Variants in ARID1B observed in about 807,000 individuals in gnomAD.
ARID1B encodes the protein AT-rich interactive domain-containing protein 1B.
A neutral mutation model predicts 212.3 loss-of-function variants in ARID1B; 30 were observed. The observed-to-expected ratio is 0.14, with a 90% CI of 0.11 to 0.19. The LOEUF is 0.19. Ranked by LOEUF, ARID1B falls within the 10% of genes least tolerant of loss-of-function variation. ARID1B has a pLI of 1.00. For missense variants in ARID1B, 2,891 were observed against 3,204.0 expected (o/e 0.90, Z 2.36); for synonymous variants, 1,402 against 1,301.7 (o/e 1.08, Z -1.66).
At chr6:156,878,957 G>A (rs552589389) in intron 2 of ARID1B, among the ~76,000 whole-genome samples, 1 of 152,356 alleles carries the variant, frequency 6.6e-6, no homozygotes, top group African/African-American at 2.4e-5. Flanking sequence ...GTGCCATTTT[G>A]TAAGGAGGAG....
At chr6:157,105,451 C>G (rs1757023479) in intron 5 of ARID1B, among the ~76,000 whole-genome samples, 1 of 151,928 alleles carries the variant, frequency 6.6e-6, no homozygotes, top group Non-Finnish European at 1.5e-5. Flanking sequence ...TATGAAGAAC[C>G]CTTAAAAATT....
chr6:156,823,430 A>G (rs1423446890), intron 1 of ARID1B, among the ~76,000 whole-genome samples: 2 of 152,242 alleles, frequency 1.3e-5, no homozygotes, highest in Non-Finnish European at 2.9e-5. Context: ...TTCTGAATCC[A>G]GAGCCCCTAC....
chr6:157,062,504 C>G (rs1441515075), intron 4 of ARID1B, among the ~76,000 whole-genome samples: 1 of 151,766 alleles, frequency 6.6e-6, no homozygotes, highest in Non-Finnish European at 1.5e-5. Flanking sequence ...TGGCTTGTTT[C>G]TCCTTTTGTT....
At position 157,077,738 on chromosome 6, in the gene ARID1B, T is replaced by C. The variant is rs938916090; in HGVS notation, c.2248-6924T>C. On this transcript the variant is annotated intron_variant, in intron 4 of 19. Coordinates refer to ENST00000636930, the MANE Select transcript of ARID1B (RefSeq NM_001374828.1). ...TGTTTGTGTGGTTTGTCTCTCTTCATTGAGACTCAATGATAGAAGGACATT... is the reference window on the plus strand; with the variant it reads ...TGTTTGTGTGGTTTGTCTCTCTTCACTGAGACTCAATGATAGAAGGACATT... Among the ~76,000 whole-genome samples, 6 of 152,290 alleles carry C rather than the reference T, an allele frequency of 3.9e-5. 1 individual carries two copies. The highest frequency in any genetic ancestry group is 3.3e-4 in the Admixed American group (5 of 15,290).
chr6:157,144,601 GGGAGGAGGA>G (rs542784525), intron 7 of ARID1B, among the ~76,000 whole-genome samples: 1 of 152,088 alleles, frequency 6.6e-6, no homozygotes, highest in Admixed American at 6.6e-5. Flanking sequence ...TGTGAGCTTG[GGGAGGAGGA>G]GGAGGAGGAG....
intron 1 of ARID1B, among the ~76,000 whole-genome samples, chr6:156,788,493 C>T (rs914168856): frequency 6.6e-6 from 1 of 152,176 alleles, no homozygotes; most frequent in Admixed American, 6.5e-5. Context: ...CTTCCTAAAC[C>T]TTCCCACTTT....
chr6:157,136,540 G>A (rs1583376240), intron 7 of ARID1B, among the ~76,000 whole-genome samples: 2 of 152,176 alleles, frequency 1.3e-5, no homozygotes, highest in African/African-American at 2.4e-5. Context: ...CCTTTAAGGA[G>A]CAAGAAACAG....
intron 2 of ARID1B, among the ~76,000 whole-genome samples, chr6:156,834,614 A>G (rs1436049733): frequency 6.6e-6 from 1 of 152,246 alleles, no homozygotes. Context: ...GGCCAGTAAA[A>G]TAATGAAATG....
chr6:157,097,894 A>G (rs1348524986), intron 5 of ARID1B, among the ~76,000 whole-genome samples: 2 of 152,190 alleles, frequency 1.3e-5, no homozygotes, highest in East Asian at 3.9e-4. Flanking sequence ...ATAAAAGCAG[A>G]TTTCTTCAAA....
chr6:156,925,611 T>C (rs284426), intron 3 of ARID1B, among the ~76,000 whole-genome samples: 82,810 of 152,064 alleles, frequency 0.54, 24,446 homozygotes, highest in African/African-American at 0.77. Flanking sequence ...TTGGACTCAT[T>C]AATAATATAT....
chr6:156,904,947 C>A (rs1247040775), intron 3 of ARID1B, among the ~76,000 whole-genome samples: 2 of 152,068 alleles, frequency 1.3e-5, no homozygotes, highest in African/African-American at 4.8e-5. Context: ...TGCAAATATG[C>A]CAAAATCTGA....
intron 8 of ARID1B, among the ~76,000 whole-genome samples, chr6:157,156,667 A>G (rs999612974): frequency 1.3e-5 from 2 of 152,176 alleles, no homozygotes; most frequent in African/African-American, 4.8e-5. Context: ...GATTTTCGAC[A>G]GCCGCTGTAC....
At chr6:156,996,121 A>G (rs932357009) in intron 4 of ARID1B, among the ~76,000 whole-genome samples, 6 of 152,240 alleles carry the variant, frequency 3.9e-5, no homozygotes, top group Admixed American at 6.5e-5. Flanking sequence ...AATATCTTCT[A>G]TCCTCCAAAA....
intron 1 of ARID1B, among the ~76,000 whole-genome samples, chr6:156,799,501 C>T (rs927795361): frequency 2.6e-5 from 4 of 152,134 alleles, no homozygotes; most frequent in African/African-American, 7.2e-5. Flanking sequence ...TATTTGGACA[C>T]GGAGTCTTGC....
At chr6:156,806,100 G>T (rs1781135454) in intron 1 of ARID1B, among the ~76,000 whole-genome samples, 1 of 152,036 alleles carries the variant, frequency 6.6e-6, no homozygotes, top group Admixed American at 6.6e-5. Context: ...TTTAATGGTG[G>T]GTCCCAAAAT....
At chr6:156,965,604 T>A (rs1196545524) in intron 4 of ARID1B, among the ~76,000 whole-genome samples, 1 of 152,218 alleles carries the variant, frequency 6.6e-6, no homozygotes, top group Non-Finnish European at 1.5e-5. Context: ...GTGGTTTCAA[T>A]TTAGGGAAAA....
In ARID1B at chr6:157,201,534, T is replaced by G; in HGVS notation, c.5263+46T>G. 6.8e-7 allele frequency: 1 copy of G among 1,481,054 alleles called. No individual in the cohort carries two copies. Among genetic ancestry groups the G allele is most frequent in the Non-Finnish European group, 9.0e-7 (1 of 1,115,316 alleles). The allele number at this position is 1,481,054 out of a possible 1,614,324, so 91.7% of individuals were successfully genotyped here. A position where few individuals can be genotyped will look rare whatever the true frequency, so the allele number is the denominator to read the frequency against. On this transcript the variant is annotated intron_variant, in intron 18 of 19. Transcript: ENST00000636930. This position sits in a 1 kb window ranked among gnomAD's most constrained non-coding sequence, Gnocchi z 5.2. ...ATTCTGAAATGAATTCCAGTTGCAG[T>G]GTAGAATTTTAATTTTAGTAAAGAT... is the stretch of plus-strand genomic sequence containing the variant.
intron 5 of ARID1B, among the ~76,000 whole-genome samples, chr6:157,098,873 C>G (rs1375270260): frequency 6.6e-6 from 1 of 152,238 alleles, no homozygotes; most frequent in Non-Finnish European, 1.5e-5. Flanking sequence ...ATTCCCACAC[C>G]TTTCAGGCCA....
intron 4 of ARID1B, among the ~76,000 whole-genome samples, chr6:157,065,200 A>G (rs1159704572): frequency 6.6e-6 from 1 of 152,226 alleles, no homozygotes; most frequent in East Asian, 1.9e-4. Context: ...AAGAAGTTCA[A>G]AGTAATGAAA....
Sources: gnomAD v4.1 joint callset for allele counts (sites outside exome capture counted in the v4.1 genomes callset) on GRCh38, gnomAD v4.1.1 for gene constraint, Gnocchi (gnomAD v3.1) non-coding constraint, MANE v1.5 for transcripts, NCBI Gene and HGNC (gene_info 2026-07-23, HGNC 2026-07-21) for gene names.